SHC2: variants seen among roughly 807,000 people sequenced by gnomAD.
SHC2 encodes SHC-transforming protein 2.
SHC2 carries 62 observed loss-of-function variants against 60.6 expected under a neutral mutation model. That is an observed-to-expected ratio of 1.02 (90% CI 0.83 to 1.26). The LOEUF is 1.26. Ranked by LOEUF, SHC2 falls within the 50% of genes most tolerant of loss-of-function variation. SHC2 has a pLI of 0.00. For synonymous variants in SHC2, 375 were observed against 372.4 expected (o/e 1.01, Z -0.08); for missense variants, 873 against 822.2 (o/e 1.06, Z -0.76).
chr19:458,096 G>A (rs1975404943), intron 1 of SHC2, among the ~76,000 whole-genome samples: 1 of 136,994 alleles, frequency 7.3e-6, no homozygotes, highest in Admixed American at 7.2e-5. Context: ...GGCGGAAGTG[G>A]GTCCCGGGGA....
chr19:431,276 T>C (rs1452122438), intron 8 of SHC2, among the ~76,000 whole-genome samples: 1 of 151,842 alleles, frequency 6.6e-6, no homozygotes, highest in African/African-American at 2.4e-5. Context: ...TAGATGGCGC[T>C]TCATCGTGAG....
At chr19:451,279 C>G (rs960700201) in intron 1 of SHC2, among the ~76,000 whole-genome samples, 1 of 150,920 alleles carries the variant, frequency 6.6e-6, no homozygotes, top group African/African-American at 2.4e-5. Context: ...TGCTGTATTT[C>G]AGCATGTGGA....
chr19:438,813 C>T lies in SHC2; in HGVS notation c.625G>A (p.Val209Ile), dbSNP rs375447695. ...AAGCGAAGGTTGCTCTTGCCCAGGA[C>T]GGACGCCAGGGCCTTGTTGGGGGCC... Reference protein sequence around the residue: ...KKAPNKALASVLGKSNLRFAG... With the variant: ...KKAPNKALASILGKSNLRFAG... The change falls in exon 4 of 13, where the codon GTC becomes ATC. Residue 209 changes from valine to isoleucine, a missense_variant. Transcript: ENST00000264554. The surrounding 1 kb of genome is among the most constrained non-coding windows in gnomAD (Gnocchi z 5.0). The T allele has an allele frequency of 8.3e-5, 130 of 1,572,086 alleles. No individual in the cohort carries two copies. In the African/African-American group the frequency reaches 8.7e-4, roughly 10 times the overall value.
Position 422,699 on chromosome 19 carries a change from A to C in SHC2, c.1310-243T>G. ...TCTAGGCACGTACTAAGCATGTACAAAGGGTAACAGCAGCTCTTTCTTTCA... is the reference window on the plus strand; with the variant it reads ...TCTAGGCACGTACTAAGCATGTACACAGGGTAACAGCAGCTCTTTCTTTCA... On this transcript the variant is annotated intron_variant, in intron 10 of 12. Transcript: ENST00000264554. This position sits in a 1 kb window ranked among gnomAD's most constrained non-coding sequence, Gnocchi z 5.0. 1 of 458,382 alleles carries C rather than the reference A, an allele frequency of 2.2e-6. No homozygotes were observed. The highest frequency in any genetic ancestry group is 3.8e-6 in the Non-Finnish European group (1 of 260,314). The allele number at this position is 458,382 out of a possible 1,614,324, so 28.4% of individuals were successfully genotyped here.
Position 425,262 on chromosome 19 carries a change from G to C in SHC2, c.1175-31C>G, listed in dbSNP as rs371804990. ...GAGTGTAAAGAGGGGCAGGGGGTCAGCTGGGAGCCAGGCGAGGGGCTCGCA... is the reference window on the plus strand; with the variant it reads ...GAGTGTAAAGAGGGGCAGGGGGTCACCTGGGAGCCAGGCGAGGGGCTCGCA... On this transcript the variant is annotated intron_variant, in intron 9 of 12. Coordinates refer to ENST00000264554, the MANE Select transcript of SHC2 (RefSeq NM_012435.3). This position sits in a 1 kb window ranked among gnomAD's most constrained non-coding sequence, Gnocchi z 4.1. 7.6e-7 allele frequency: 1 copy of C among 1,312,582 alleles called. No homozygotes were observed. The highest frequency in any genetic ancestry group is 2.8e-5 in the East Asian group (1 of 35,638). The allele number at this position is 1,312,582 out of a possible 1,614,324, so 81.3% of individuals were successfully genotyped here.
chr19:425,208 G>T lies in SHC2; in HGVS notation c.1198C>A (p.Gln400Lys), dbSNP rs1974383411. Residue 400 changes from glutamine to lysine, a missense_variant, in exon 10 of 13, where the codon CAG (glutamine) becomes AAG (lysine). Physicochemically the swap from Gln to Lys is moderately conservative, Grantham distance 53. Transcript: ENST00000264554. This position sits in a 1 kb window ranked among gnomAD's most constrained non-coding sequence, Gnocchi z 4.1. ...TCCGGGGGGCCCCGGGCGTCCGCCT[G>T]CACGTAGCCGTCCCCCGGTGGAGCT... ...GTAPPGDGYV[Q>K]ADARGPPDHE... 7 of 1,339,230 alleles carry T rather than the reference G, an allele frequency of 5.2e-6. No individual in the cohort carries two copies. The South Asian group carries it at 1.7e-4, about 32-fold the overall frequency. The allele number at this position is 1,339,230 out of a possible 1,614,324, so 83.0% of individuals were successfully genotyped here.
chr19:424,462 C>T lies in SHC2; in HGVS notation c.1309+635G>A, dbSNP rs1974358099. Among the ~76,000 whole-genome samples, 1 of 152,092 alleles carries T rather than the reference C, an allele frequency of 6.6e-6. No homozygotes were observed. The highest frequency in any genetic ancestry group is 2.4e-5 in the African/African-American group (1 of 41,428). ...TCATCAGACTAGGGAGACCCAGAGT[C>T]AGCGTGCAAGACCAGCGGGCCAGGC... On this transcript the variant is annotated intron_variant, in intron 10 of 12. Coordinates refer to ENST00000264554, the MANE Select transcript of SHC2 (RefSeq NM_012435.3). This position sits in a 1 kb window ranked among gnomAD's most constrained non-coding sequence, Gnocchi z 4.5.
Position 440,648 on chromosome 19 carries a change from A to G in SHC2, c.539+214T>C, listed in dbSNP as rs566344584. Among the ~76,000 whole-genome samples, 1 of 152,254 alleles carries G rather than the reference A, an allele frequency of 6.6e-6. No homozygotes were observed. Among genetic ancestry groups the G allele is most frequent in the Admixed American group, 6.5e-5 (1 of 15,304 alleles). On this transcript the variant is annotated intron_variant, in intron 2 of 12. Transcript: ENST00000264554. This position sits in a 1 kb window ranked among gnomAD's most constrained non-coding sequence, Gnocchi z 7.0. ...GCGACCGGCGTGTTCTTTCCATCTT[A>G]GAGGATCGAGGTCTGCAGGGCACGG...
At chr19:460,508 G>C (rs1975518977) in intron 1 of SHC2, 21 bp downstream of exon 1, 2 of 1,226,304 alleles carry the variant, frequency 1.6e-6, no homozygotes, top group East Asian at 3.9e-5. Flanking sequence ...CGGGCTCCCG[G>C]GGGGGGTGGG....
intron 9 of SHC2, among the ~76,000 whole-genome samples, chr19:429,211 A>G (rs549092534): frequency 5.4e-5 from 8 of 148,962 alleles, no homozygotes; most frequent in East Asian, 2.0e-4. Flanking sequence ...TCCAACATGC[A>G]GAGAAACCTA....
chr19:428,634 C>T (rs1974479314), intron 9 of SHC2, among the ~76,000 whole-genome samples: 2 of 152,212 alleles, frequency 1.3e-5, no homozygotes, highest in Admixed American at 6.5e-5. Context: ...TGACAGCTAA[C>T]AGTGGCTGCC....
intron 1 of SHC2, among the ~76,000 whole-genome samples, chr19:448,696 C>T (rs57042576): frequency 0.11 from 15,971 of 152,068 alleles, 2,739 homozygotes; most frequent in African/African-American, 0.36. Context: ...AAACACAGCA[C>T]CCCTCTGTGC....
In SHC2 at chr19:438,622, C is replaced by G. The variant is rs1319064642; in HGVS notation, c.720+96G>C. 1 of 1,393,636 alleles carries G rather than the reference C, an allele frequency of 7.2e-7. No homozygotes were observed. Among genetic ancestry groups the G allele is most frequent in the Non-Finnish European group, 9.7e-7 (1 of 1,035,306 alleles). 86.3% of individuals were successfully genotyped at this position (1,393,636 alleles called of 1,614,324 possible). A position where few individuals can be genotyped will look rare whatever the true frequency, so the allele number is the denominator to read the frequency against. Reference sequence around the variant, plus strand: ...GCTCGTCTTTCTGGATAAACGCCACCTGCTGCCCGCCCCCAGCACCCCACC... The same window carrying G: ...GCTCGTCTTTCTGGATAAACGCCACGTGCTGCCCGCCCCCAGCACCCCACC... On this transcript the variant is annotated intron_variant, in intron 4 of 12. Coordinates refer to ENST00000264554, the MANE Select transcript of SHC2 (RefSeq NM_012435.3). This position sits in a 1 kb window ranked among gnomAD's most constrained non-coding sequence, Gnocchi z 5.0.
At chr19:436,770 GT>G in intron 4 of SHC2, 87 bp from the exon 5 acceptor site, 3 of 1,278,612 alleles carry the variant, frequency 2.3e-6, no homozygotes, top group Non-Finnish European at 3.3e-6. Flanking sequence ...ACAGCGAAGA[GT>G]GGGGCAGGGG....
chr19:427,176 G>C (rs1974436795), intron 9 of SHC2, among the ~76,000 whole-genome samples: 1 of 152,212 alleles, frequency 6.6e-6, no homozygotes, highest in Non-Finnish European at 1.5e-5. Context: ...ATGCCAGATT[G>C]TTTGGGAAGA....
intron 1 of SHC2, among the ~76,000 whole-genome samples, chr19:448,184 T>C (rs1975093983): frequency 6.6e-6 from 1 of 152,202 alleles, no homozygotes; most frequent in Non-Finnish European, 1.5e-5. Flanking sequence ...AAACAGAGCT[T>C]TACGGGGGAG....
At chr19:428,004 G>A (rs1186857018) in intron 9 of SHC2, among the ~76,000 whole-genome samples, 1 of 152,184 alleles carries the variant, frequency 6.6e-6, no homozygotes, top group East Asian at 1.9e-4. Flanking sequence ...AGGGAAGGGA[G>A]GATCTCTTGA....
intron 1 of SHC2, among the ~76,000 whole-genome samples, chr19:444,215 C>G (rs1375422884): frequency 1.3e-5 from 2 of 152,046 alleles, no homozygotes; most frequent in Non-Finnish European, 2.9e-5. Flanking sequence ...TGAATGGACT[C>G]TAGGCATGTA....
chr19:421,762 T>C (rs956076027), intron 11 of SHC2, among the ~76,000 whole-genome samples: 1 of 151,942 alleles, frequency 6.6e-6, no homozygotes, highest in African/African-American at 2.4e-5. Flanking sequence ...CTACAAAACT[T>C]AGCTGGGGAC....
Sources: allele counts gnomAD v4.1 joint callset (sites outside exome capture counted in the v4.1 genomes callset), GRCh38; gene constraint gnomAD v4.1.1; non-coding constraint Gnocchi (gnomAD v3.1); transcripts MANE v1.5; gene names NCBI Gene and HGNC (gene_info 2026-07-23, HGNC 2026-07-21).